The following HS2ST1 variants were observed in gnomAD, a reference collection of about 807,000 sequenced individuals.
The protein encoded by HS2ST1 is 2-O-sulfotransferase.
Under a neutral mutation model 42.9 loss-of-function variants are expected in HS2ST1, and 18 were observed. The ratio of observed to expected loss-of-function variants is 0.42; its 90% CI spans 0.29 to 0.62. The LOEUF is 0.62. Among genes scored for constraint, HS2ST1 ranks in the 20% least tolerant of loss-of-function variants. HS2ST1 has a pLI of 0.21. For synonymous variants in HS2ST1, 146 were observed against 152.9 expected (o/e 0.95, Z 0.33); for missense variants, 334 against 433.8 (o/e 0.77, Z 2.04).
chr1:87,097,761 A>G, intron 4 of HS2ST1, 77 bp from the exon 5 acceptor site: 1 of 1,543,470 alleles, frequency 6.5e-7, no homozygotes, highest in Admixed American at 1.8e-5. Flanking sequence ...CATTTATTTA[A>G]TAATTTACCA....
intron 1 of HS2ST1, among the ~76,000 whole-genome samples, chr1:87,037,187 G>A (rs1650396646): frequency 5.7e-5 from 1 of 17,592 alleles, no homozygotes; most frequent in African/African-American, 8.5e-5. Context: ...GTATGTGAAT[G>A]TTTAATATGT....
At chr1:87,089,599 C>T (rs545517753) in intron 3 of HS2ST1, among the ~76,000 whole-genome samples, 2 of 152,106 alleles carry the variant, frequency 1.3e-5, no homozygotes, top group South Asian at 4.1e-4. Flanking sequence ...TGTTTTCTAA[C>T]TGGCTGAGCT....
At chr1:86,961,526 G>C (rs1647843802) in intron 1 of HS2ST1, among the ~76,000 whole-genome samples, 1 of 151,982 alleles carries the variant, frequency 6.6e-6, no homozygotes, top group Admixed American at 6.6e-5. Flanking sequence ...CCATCATCAT[G>C]GTGGTGTGTT....
chr1:87,103,690 CAGAT>C (rs1652269413), intron 6 of HS2ST1, 101 bp downstream of exon 6: 1 of 934,688 alleles, frequency 1.1e-6, no homozygotes, highest in Non-Finnish European at 1.6e-6. Context: ...TGAAACACAA[CAGAT>C]AGCTCCAGAA....
intron 1 of HS2ST1, among the ~76,000 whole-genome samples, chr1:86,995,142 G>T (rs551174029): frequency 4.6e-5 from 7 of 152,088 alleles, no homozygotes; most frequent in Admixed American, 4.6e-4. Flanking sequence ...TTATTTAACT[G>T]TTGGATTTCT....
intron 1 of HS2ST1, among the ~76,000 whole-genome samples, chr1:87,025,247 G>C (rs763808417): frequency 6.6e-6 from 1 of 152,202 alleles, no homozygotes; most frequent in Non-Finnish European, 1.5e-5. Context: ...CCTGCCTGGC[G>C]GCTGTTGCTA....
Position 87,046,172 on chromosome 1 carries a change from C to T in HS2ST1, c.125-26762C>T, listed in dbSNP as rs1376926903. The T allele has an allele frequency of 3.7e-6, 3 of 813,960 alleles. No individual in the cohort carries two copies. The Admixed American group carries it at 5.3e-5, about 14-fold the overall frequency. 50.4% of individuals were successfully genotyped at this position (813,960 alleles called of 1,614,324 possible). A position where few individuals can be genotyped will look rare whatever the true frequency, so the allele number is the denominator to read the frequency against. ...CCCAAAACCGTGTTAATAGAGTGTG[C>T]CTGGCAGCTGTTGTTCCTCTTATTG... On this transcript the variant is annotated intron_variant, in intron 1 of 6. Coordinates refer to ENST00000370550, the MANE Select transcript of HS2ST1 (RefSeq NM_012262.4).
At chr1:86,928,883 G>A (rs951539639) in intron 1 of HS2ST1, among the ~76,000 whole-genome samples, 1 of 152,008 alleles carries the variant, frequency 6.6e-6, no homozygotes, top group South Asian at 2.1e-4. Context: ...GGATTTGTCA[G>A]TGATACTCTC....
chr1:86,928,697 AAAATAG>A (rs1255918300), intron 1 of HS2ST1, among the ~76,000 whole-genome samples: 3 of 152,002 alleles, frequency 2.0e-5, no homozygotes, highest in Non-Finnish European at 4.4e-5. Flanking sequence ...TTTTAAAAAT[AAAATAG>A]AAGAAAACAT....
intron 1 of HS2ST1, among the ~76,000 whole-genome samples, chr1:86,981,234 C>T (rs142304493): frequency 6.6e-6 from 1 of 152,294 alleles, no homozygotes; most frequent in Non-Finnish European, 1.5e-5. Context: ...ACAGGTCCCT[C>T]CCTCAATACA....
intron 3 of HS2ST1, among the ~76,000 whole-genome samples, chr1:87,087,193 T>C (rs569135050): frequency 6.6e-6 from 1 of 152,196 alleles, no homozygotes; most frequent in African/African-American, 2.4e-5. Flanking sequence ...CTTTAGAAAA[T>C]TAAAATGTTA....
chr1:87,035,405 G>T (rs1650347888), intron 1 of HS2ST1, among the ~76,000 whole-genome samples: 1 of 152,244 alleles, frequency 6.6e-6, no homozygotes, highest in South Asian at 2.1e-4. Context: ...TGTACTCAGG[G>T]AGAATAAATG....
intron 1 of HS2ST1, among the ~76,000 whole-genome samples, chr1:86,934,186 A>G (rs536112263): frequency 6.6e-6 from 1 of 152,244 alleles, no homozygotes; most frequent in East Asian, 1.9e-4. Context: ...TAGTTGGTGG[A>G]TAACAAACTG....
intron 3 of HS2ST1, among the ~76,000 whole-genome samples, chr1:87,087,832 A>C (rs540245243): frequency 2.6e-5 from 4 of 152,178 alleles, no homozygotes; most frequent in African/African-American, 9.6e-5. Flanking sequence ...TACAGCATTG[A>C]TCCTGTAGAC....
intron 1 of HS2ST1, among the ~76,000 whole-genome samples, chr1:86,927,748 G>A (rs2102161021): frequency 6.6e-6 from 1 of 152,136 alleles, no homozygotes; most frequent in Admixed American, 6.6e-5. Context: ...ACTAACTCTT[G>A]GCATATTTAT....
intron 1 of HS2ST1, among the ~76,000 whole-genome samples, chr1:87,048,180 A>T (rs988827632): frequency 2.0e-5 from 3 of 152,052 alleles, no homozygotes; most frequent in African/African-American, 7.2e-5. Flanking sequence ...TTTACATGGT[A>T]TTTTTTATGT....
intron 1 of HS2ST1, among the ~76,000 whole-genome samples, chr1:87,042,629 C>T (rs1310668471): frequency 1.3e-5 from 2 of 152,076 alleles, no homozygotes; most frequent in South Asian, 2.1e-4. Context: ...GCAATGCCTG[C>T]GAGGCATAAC....
At chr1:87,035,003 A>G (rs1488085454) in intron 1 of HS2ST1, among the ~76,000 whole-genome samples, 1 of 152,212 alleles carries the variant, frequency 6.6e-6, no homozygotes, top group Non-Finnish European at 1.5e-5. Flanking sequence ...GTAATGACAG[A>G]AGCAGGAGTC....
chr1:86,954,037 T>A (rs542397640), intron 1 of HS2ST1, among the ~76,000 whole-genome samples: 6 of 129,838 alleles, frequency 4.6e-5, no homozygotes, highest in Non-Finnish European at 9.5e-5. Flanking sequence ...TCACTGTTTT[T>A]TTTAAAAAAA....
Sources: gnomAD v4.1 joint callset for allele counts (sites outside exome capture counted in the v4.1 genomes callset) on GRCh38, gnomAD v4.1.1 for gene constraint, MANE v1.5 for transcripts, NCBI Gene and HGNC (gene_info 2026-07-23, HGNC 2026-07-21) for gene names.